ANKRD55: variants seen among roughly 807,000 people sequenced by gnomAD.
ANKRD55 encodes the protein ankyrin repeat domain-containing protein 55.
ANKRD55 carries 41 observed loss-of-function variants against 60.6 expected under a neutral mutation model. That is an observed-to-expected ratio of 0.68 (90% CI 0.53 to 0.88). The LOEUF (loss-of-function observed/expected upper bound fraction) is 0.88. Among genes scored for constraint, ANKRD55 ranks in the 40% least tolerant of loss-of-function variants. The pLI is 0.00. For missense variants in ANKRD55, 732 were observed against 767.6 expected (o/e 0.95, Z 0.55); for synonymous variants, 264 against 290.3 (o/e 0.91, Z 0.92).
chr5:56,146,353 C>T (rs954733974), intron 6 of ANKRD55, among the ~76,000 whole-genome samples: 2 of 150,306 alleles, frequency 1.3e-5, no homozygotes, highest in Admixed American at 6.7e-5. Context: ...GGCGCAATTT[C>T]GGCTCACTGC....
At chr5:56,194,694 G>A (rs1759190626) in intron 2 of ANKRD55, among the ~76,000 whole-genome samples, 1 of 152,022 alleles carries the variant, frequency 6.6e-6, no homozygotes. Flanking sequence ...TTTACTCAAA[G>A]TATTCACAGC....
In ANKRD55 at chr5:56,100,100, C is replaced by G; in HGVS notation, c.*83G>C. 1 of 1,587,326 alleles carries G rather than the reference C, an allele frequency of 6.3e-7. No homozygotes were observed. The highest frequency in any genetic ancestry group is 8.6e-7 in the Non-Finnish European group (1 of 1,159,978). The stretch of plus-strand genomic sequence containing the variant: ...GAATGCAGCTTACTAAATTGGTCTT[C>G]GTTCTTACAAACTGGAGTAATCTTG... On this transcript the variant is annotated 3_prime_UTR_variant, in exon 12 of 12. Coordinates refer to ENST00000341048, the MANE Select transcript of ANKRD55 (RefSeq NM_024669.3).
chr5:56,228,860 C>A (rs759082980), intron 2 of ANKRD55, among the ~76,000 whole-genome samples: 7 of 152,192 alleles, frequency 4.6e-5, no homozygotes, highest in Non-Finnish European at 8.8e-5. Context: ...TTAATCTGGG[C>A]TAGAAGACAA....
At chr5:56,190,279 C>T (rs1561286571) in intron 2 of ANKRD55, among the ~76,000 whole-genome samples, 1 of 152,072 alleles carries the variant, frequency 6.6e-6, no homozygotes, top group African/African-American at 2.4e-5. Flanking sequence ...TGTGGGTTGC[C>T]TTTTCATTCT....
rs374810400 is a variant in ANKRD55, at chr5:56,154,038, C to G, written c.483+5795G>C. ...CACCCTGGCTAACACAGTGAAACCCCGTCTCTACTAAAAATACAAAAAAAA... is the reference window on the plus strand; with the variant it reads ...CACCCTGGCTAACACAGTGAAACCCGGTCTCTACTAAAAATACAAAAAAAA... On this transcript the variant is annotated intron_variant, in intron 6 of 11. Coordinates refer to ENST00000341048, the MANE Select transcript of ANKRD55 (RefSeq NM_024669.3). Among the ~76,000 whole-genome samples, 87 of 149,606 alleles carry G rather than the reference C, an allele frequency of 5.8e-4. 2 individuals carry two copies. The East Asian group carries it at 0.016, about 28-fold the overall frequency.
In ANKRD55 at chr5:56,202,809, G is replaced by A. The variant is rs180695266; in HGVS notation, c.59-19175C>T. Among the ~76,000 whole-genome samples, 5 of 152,204 alleles carry A rather than the reference G, an allele frequency of 3.3e-5. No homozygotes were observed. The East Asian group carries it at 7.7e-4, about 23-fold the overall frequency. On this transcript the variant is annotated intron_variant, in intron 2 of 11. Transcript: ENST00000341048. The stretch of plus-strand genomic sequence containing the variant: ...AATGTTAGCATCTCTGTGCTCTTGC[G>A]GGGGTAGGTTTTCTGAGCTGTGAAT...
chr5:56,204,342 T>C (rs1759451739), intron 2 of ANKRD55, among the ~76,000 whole-genome samples: 1 of 152,230 alleles, frequency 6.6e-6, no homozygotes, highest in South Asian at 2.1e-4. Context: ...AGATCCCATT[T>C]GTCAATTTTG....
intron 5 of ANKRD55, among the ~76,000 whole-genome samples, chr5:56,167,579 G>A (rs1189336770): frequency 6.6e-6 from 1 of 152,210 alleles, no homozygotes. Flanking sequence ...GGGATTATTA[G>A]TTAAAGCAGC....
At chr5:56,113,720 T>A (rs150979591) in intron 9 of ANKRD55, among the ~76,000 whole-genome samples, 125 of 152,116 alleles carry the variant, frequency 8.2e-4, no homozygotes, top group African/African-American at 3.0e-3. Context: ...GAGGTGTAGG[T>A]CGAAGGGTAC....
At chr5:56,228,997 C>A (rs1429547879) in intron 2 of ANKRD55, among the ~76,000 whole-genome samples, 3 of 152,204 alleles carry the variant, frequency 2.0e-5, no homozygotes, top group Non-Finnish European at 1.5e-5. Context: ...CTCAGAGACC[C>A]TGGCACGGCC....
chr5:56,172,361 A>G (rs1372074364), intron 4 of ANKRD55, among the ~76,000 whole-genome samples: 1 of 152,152 alleles, frequency 6.6e-6, no homozygotes, highest in Non-Finnish European at 1.5e-5. Context: ...GATGCATTAA[A>G]TCTGTTTCTA....
chr5:56,143,589 A>G (rs1420277706), intron 7 of ANKRD55, among the ~76,000 whole-genome samples: 1 of 152,164 alleles, frequency 6.6e-6, no homozygotes, highest in Non-Finnish European at 1.5e-5. Context: ...TGAGAGGGGT[A>G]TGTGTGTGTC....
intron 7 of ANKRD55, among the ~76,000 whole-genome samples, chr5:56,136,325 T>A (rs2111744205): frequency 6.6e-6 from 1 of 152,246 alleles, no homozygotes; most frequent in African/African-American, 2.4e-5. Context: ...GAGAACAAAG[T>A]TGGGTGACTG....
chr5:56,153,337 T>A (rs1758102339), intron 6 of ANKRD55, among the ~76,000 whole-genome samples: 1 of 152,178 alleles, frequency 6.6e-6, no homozygotes, highest in East Asian at 1.9e-4. Context: ...GTATTAAAAA[T>A]AAAAACATAC....
intron 7 of ANKRD55, among the ~76,000 whole-genome samples, chr5:56,140,684 C>T (rs1757736814): frequency 6.6e-6 from 1 of 152,124 alleles, no homozygotes; most frequent in Non-Finnish European, 1.5e-5. Context: ...AGTATTAGCA[C>T]CCATTAATAT....
At chr5:56,149,326 A>T (rs548739981) in intron 6 of ANKRD55, among the ~76,000 whole-genome samples, 1 of 151,672 alleles carries the variant, frequency 6.6e-6, no homozygotes, top group African/African-American at 2.4e-5. Context: ...CTCTTTAAAA[A>T]CTCTCACTTT....
intron 8 of ANKRD55, among the ~76,000 whole-genome samples, chr5:56,120,056 G>A (rs76703922): frequency 3.8e-5 from 4 of 105,812 alleles, no homozygotes; most frequent in Non-Finnish European, 8.5e-5. Flanking sequence ...TTTTTTTTTT[G>A]AGACATAGTC....
At chr5:56,220,778 A>G (rs556706381) in intron 2 of ANKRD55, among the ~76,000 whole-genome samples, 1 of 152,236 alleles carries the variant, frequency 6.6e-6, no homozygotes, top group Admixed American at 6.5e-5. Context: ...ATGCCATTGC[A>G]CTCCAGCCTG....
intron 6 of ANKRD55, among the ~76,000 whole-genome samples, chr5:56,153,912 G>C (rs1161528407): frequency 6.6e-6 from 1 of 150,604 alleles, no homozygotes; most frequent in Non-Finnish European, 1.5e-5. Flanking sequence ...AAATGCTTGA[G>C]TTGAAAAAAC....
Sources: gnomAD v4.1 joint callset for allele counts (sites outside exome capture counted in the v4.1 genomes callset) on GRCh38, gnomAD v4.1.1 for gene constraint, MANE v1.5 for transcripts, NCBI Gene and HGNC (gene_info 2026-07-23, HGNC 2026-07-21) for gene names.